The following RASL12 variants were observed in gnomAD, a reference collection of about 807,000 sequenced individuals.
RASL12 encodes RAS like family 12, also known as ras-like protein family member 12.
RASL12 carries 16 observed loss-of-function variants against 22.9 expected under a neutral mutation model. That is an observed-to-expected ratio of 0.70 (90% confidence interval 0.47 to 1.06). RASL12 has a LOEUF of 1.06. Among genes scored for constraint, RASL12 ranks in the 50% least tolerant of loss-of-function variants. The pLI is 0.00. For missense variants in RASL12, 306 were observed against 353.1 expected, an observed-to-expected ratio of 0.87 and a Z score of 1.07; for synonymous variants, 159 against 152.2, an observed-to-expected ratio of 1.04 and a Z score of -0.33.
intron 2 of RASL12, among the ~76,000 whole-genome samples, 192 bp downstream of exon 2, chr15:65,065,025 T>C (rs1238906103): frequency 6.6e-6 from 1 of 152,230 alleles, no homozygotes; most frequent in Non-Finnish European, 1.5e-5. Flanking sequence ...CCCCCAGTTG[T>C]CTGGGGTGGG....
chr15:65,050,049 G>A, downstream of RASL12: 2 of 1,551,816 alleles, frequency 1.3e-6, no homozygotes, highest in Middle Eastern at 1.7e-4. Context: ...CCGGTACTGT[G>A]GTACCCCAGG....
At chr15:65,071,453 T>C (rs1315868536), upstream of RASL12, among the ~76,000 whole-genome samples, 1 of 152,072 alleles carries the variant, frequency 6.6e-6, no homozygotes, top group Non-Finnish European at 1.5e-5. Flanking sequence ...TCCCCAGCTG[T>C]AGGCAACACC....
chr15:65,073,435 A>G (rs529779005), intron 1 of RASL12, among the ~76,000 whole-genome samples: 79 of 152,178 alleles, frequency 5.2e-4, no homozygotes, highest in African/African-American at 1.9e-3. Flanking sequence ...CAACCTAGAT[A>G]CCTCCCACAT....
At chr15:65,074,649 G>T (rs959347262) in intron 1 of RASL12, among the ~76,000 whole-genome samples, 2 of 152,046 alleles carry the variant, frequency 1.3e-5, no homozygotes, top group African/African-American at 2.4e-5. Flanking sequence ...AACCATTCTC[G>T]GCCCCCAAAA....
Position 65,062,427 on chromosome 15 carries a change from G to A in RASL12, c.160+2790C>T, listed in dbSNP as rs537374850. On this transcript the variant is annotated intron_variant, in intron 2 of 4. Coordinates refer to ENST00000220062, the MANE Select transcript of RASL12 (RefSeq NM_016563.4). ...TGACTCCAGGCCCTCTATGACATGA[G>A]GCTGCTCCTAGCGGAGAGCAACTGG... 2.4e-4 allele frequency among the ~76,000 whole-genome samples: 36 copies of A among 152,338 alleles called. No individual in the cohort carries two copies. In the East Asian group the frequency reaches 6.4e-3, roughly 27 times the overall value.
chr15:65,047,596 C>A, the RASL12 span, among the ~76,000 whole-genome samples: 1 of 152,140 alleles, frequency 6.6e-6, no homozygotes, highest in Non-Finnish European at 1.5e-5. Context: ...GGGCCTGTGG[C>A]TGATGTTACT....
chr15:65,052,668 A>C (rs910767837), downstream of RASL12, among the ~76,000 whole-genome samples: 1 of 152,084 alleles, frequency 6.6e-6, no homozygotes, highest in African/African-American at 2.4e-5. Flanking sequence ...AAGTGCTGGG[A>C]TTACAGGTGT....
chr15:65,076,182 C>G (rs1030206907), intron 1 of RASL12, among the ~76,000 whole-genome samples: 2 of 152,210 alleles, frequency 1.3e-5, no homozygotes, highest in Admixed American at 6.5e-5. Flanking sequence ...CAGTGGCAAC[C>G]CGCTCATATC....
chr15:65,067,600 C>T, intron 1 of RASL12, 133 bp downstream of exon 1: 2 of 1,100,314 alleles, frequency 1.8e-6, no homozygotes, highest in South Asian at 3.5e-5. Context: ...ATCACGGTGT[C>T]TTGTGCGACC....
At chr15:65,072,818 C>T (rs1259531828), upstream of RASL12, among the ~76,000 whole-genome samples, 1 of 152,098 alleles carries the variant, frequency 6.6e-6, no homozygotes, top group Non-Finnish European at 1.5e-5. Context: ...TCAGCTATGC[C>T]CTCCTGACAC....
intron 2 of RASL12, among the ~76,000 whole-genome samples, chr15:65,064,662 C>A (rs942708267): frequency 1.3e-5 from 2 of 151,814 alleles, no homozygotes; most frequent in African/African-American, 4.8e-5. Context: ...AGTGGCACGA[C>A]CTTGGCTCAC....
chr15:65,062,349 A>G (rs1316501216), intron 2 of RASL12, among the ~76,000 whole-genome samples: 2 of 152,230 alleles, frequency 1.3e-5, no homozygotes, highest in African/African-American at 2.4e-5. Flanking sequence ...TATTGGTCCC[A>G]TCTTCCAGAT....
At chr15:65,049,818 A>C, downstream of RASL12, 73 of 431,496 alleles carry the variant, frequency 1.7e-4, no homozygotes, top group Middle Eastern at 6.4e-4. Flanking sequence ...ACTTTGGGCC[A>C]GAGGAGATCT....
rs2086703124 is a variant in RASL12 at position 65,054,796 on chromosome 15, G to C, written c.*103C>G. ...GGACACTGCTTGGTGCTGGAGGCGG[G>C]GTCTGCTGTCCATCAGACGGAAAGG... On this transcript the variant is annotated 3_prime_UTR_variant, in exon 5 of 5. Coordinates refer to ENST00000220062, the MANE Select transcript of RASL12 (RefSeq NM_016563.4). The C allele has an allele frequency of 6.6e-7, 1 of 1,513,024 alleles. No homozygotes were observed. The highest frequency in any genetic ancestry group is 8.8e-7 in the Non-Finnish European group (1 of 1,135,496). 93.7% of individuals were successfully genotyped at this position (1,513,024 alleles called of 1,614,324 possible). A position where few individuals can be genotyped will look rare whatever the true frequency, so the allele number is the denominator to read the frequency against.
chr15:65,059,507 G>A, intron 2 of RASL12, 89 bp from the exon 3 acceptor site: 2 of 1,011,810 alleles, frequency 2.0e-6, no homozygotes, highest in South Asian at 2.7e-5. Flanking sequence ...TGTGGCCTGG[G>A]GGGACCTTAG....
At chr15:65,061,641 T>C (rs2086805817) in intron 2 of RASL12, among the ~76,000 whole-genome samples, 1 of 152,014 alleles carries the variant, frequency 6.6e-6, no homozygotes, top group Non-Finnish European at 1.5e-5. Flanking sequence ...GAGAGAAGAG[T>C]CATTTCCCAA....
chr15:65,053,770 C>T lies in RASL12; in HGVS notation c.*1129G>A. 1.0e-6 allele frequency: 1 copy of T among 986,388 alleles called. No homozygotes were observed. The allele number at this position is 986,388 out of a possible 1,614,324, so 61.1% of individuals were successfully genotyped here. The stretch of plus-strand genomic sequence containing the variant: ...CTGGCGTGTGGTAAACAAAATCAGA[C>T]AACTACCACACTGCCTGCCTTGGAC... On this transcript the variant is annotated 3_prime_UTR_variant, in exon 5 of 5. Transcript: ENST00000220062.
At chr15:65,051,723 G>A, downstream of RASL12, 4 of 821,752 alleles carry the variant, frequency 4.9e-6, no homozygotes, top group Non-Finnish European at 3.9e-6. Context: ...CTTTGGGACA[G>A]CAAAATTCAG....
downstream of RASL12, chr15:65,049,954 G>A (rs1178873842): frequency 2.1e-6 from 3 of 1,448,368 alleles, no homozygotes; most frequent in Admixed American, 4.2e-5. Flanking sequence ...GAGGGCTGCT[G>A]GGGCTAAGGG....
Sources: gnomAD v4.1 joint callset for allele counts (sites outside exome capture counted in the v4.1 genomes callset) on GRCh38, gnomAD v4.1.1 for gene constraint, MANE v1.5 for transcripts, NCBI Gene and HGNC (gene_info 2026-07-23, HGNC 2026-07-21) for gene names.